Variants in RBFOX1 observed in about 807,000 individuals in gnomAD.
RBFOX1 encodes RNA binding protein fox-1 homolog 1.
Under a neutral mutation model 57.7 loss-of-function variants are expected in RBFOX1, and 8 were observed. The ratio of observed to expected loss-of-function variants is 0.14; its 90% CI spans 0.08 to 0.25. The LOEUF (loss-of-function observed/expected upper bound fraction) is 0.25, where lower values mean the gene tolerates loss of function less well. RBFOX1 is among the 10% of genes least tolerant of loss of function. The pLI is 1.00. For synonymous variants in RBFOX1, 326 were observed against 222.4 expected, an observed-to-expected ratio of 1.47 and a Z score of -4.15; for missense variants, 611 against 548.5, an observed-to-expected ratio of 1.11 and a Z score of -1.14.
chr16:7,653,666 C>G (rs2065608149), intron 11 of RBFOX1, 149 bp from the exon 12 acceptor site: 2 of 1,192,830 alleles, frequency 1.7e-6, no homozygotes, highest in South Asian at 3.0e-5. Context: ...GTGCTGCTCT[C>G]TGCTTTTTAA....
chr16:7,592,656 G>T (rs1326944283), intron 7 of RBFOX1, among the ~76,000 whole-genome samples: 1 of 152,160 alleles, frequency 6.6e-6, no homozygotes, highest in Non-Finnish European at 1.5e-5. Context: ...CATGGCTATG[G>T]TTGCTAGGAA....
chr16:6,231,256 G>C (rs2097457965), intron 1 of RBFOX1, among the ~76,000 whole-genome samples: 1 of 151,656 alleles, frequency 6.6e-6, no homozygotes, highest in Non-Finnish European at 1.5e-5. Context: ...GTGTGTGTGT[G>C]TGTTCCTTAT....
intron 2 of RBFOX1, among the ~76,000 whole-genome samples, chr16:5,478,724 C>T (rs1322364307): frequency 1.3e-5 from 2 of 152,166 alleles, no homozygotes; most frequent in African/African-American, 4.8e-5. Context: ...TAAACCCCAG[C>T]ACGAGGCACC....
intron 3 of RBFOX1, among the ~76,000 whole-genome samples, chr16:5,724,616 G>T (rs866288132): frequency 2.0e-5 from 3 of 152,088 alleles, no homozygotes; most frequent in Non-Finnish European, 2.9e-5. Context: ...AATGCATTCT[G>T]GAGTAAGAAT....
intron 4 of RBFOX1, among the ~76,000 whole-genome samples, chr16:7,242,350 C>T (rs993387286): frequency 6.6e-6 from 1 of 152,166 alleles, no homozygotes; most frequent in African/African-American, 2.4e-5. Context: ...AAGGTACCTT[C>T]TGATGCAGAC....
chr16:5,270,329 C>A lies in RBFOX1; in HGVS notation c.219+30224C>A, dbSNP rs182007474. 3.4e-5 allele frequency: 26 copies of A among 772,576 alleles called. No individual in the cohort carries two copies. In the African/African-American group the frequency reaches 3.8e-4, roughly 11 times the overall value. 47.9% of individuals were successfully genotyped at this position (772,576 alleles called of 1,614,324 possible). On this transcript the variant is annotated intron_variant, in intron 1 of 2. Coordinates refer to the RBFOX1 transcript ENST00000585867. ...TTGGAAAGACTTGGTCACCAGGACCCGAGGAACCCAAATTGCATCTGATGG... is the reference window on the plus strand; with the variant it reads ...TTGGAAAGACTTGGTCACCAGGACCAGAGGAACCCAAATTGCATCTGATGG...
intron 3 of RBFOX1, among the ~76,000 whole-genome samples, chr16:6,913,938 G>A (rs2072406564): frequency 6.6e-6 from 1 of 152,158 alleles, no homozygotes; most frequent in South Asian, 2.1e-4. Flanking sequence ...TGGGGTGAAG[G>A]ATATTATAAT....
In RBFOX1 at chr16:7,290,607, A is replaced by G. The variant is rs528126730; in HGVS notation, c.28-227540A>G. On this transcript the variant is annotated intron_variant, in intron 4 of 15. Transcript: ENST00000550418. ...AAGAGGACTAATATTTTCATTTTCAAATTTGCTCATTCACTCAACTAATAT... is the reference window on the plus strand; with the variant it reads ...AAGAGGACTAATATTTTCATTTTCAGATTTGCTCATTCACTCAACTAATAT... Among the ~76,000 whole-genome samples, 8 of 152,216 alleles carry G rather than the reference A, an allele frequency of 5.3e-5. No individual in the cohort carries two copies. The East Asian group carries it at 1.3e-3, about 26-fold the overall frequency.
intron 4 of RBFOX1, among the ~76,000 whole-genome samples, chr16:7,480,529 A>G (rs992107306): frequency 6.6e-6 from 1 of 152,344 alleles, no homozygotes; most frequent in Non-Finnish European, 1.5e-5. Flanking sequence ...AAAAAAATAC[A>G]TATATGGTAT....
intron 4 of RBFOX1, among the ~76,000 whole-genome samples, chr16:7,318,845 G>T (rs1196411802): frequency 1.3e-5 from 2 of 152,154 alleles, no homozygotes; most frequent in African/African-American, 4.8e-5. Flanking sequence ...AGTTCTGGCA[G>T]AGCGCAACAT....
At chr16:7,033,938 C>T (rs531376525) in intron 3 of RBFOX1, among the ~76,000 whole-genome samples, 2 of 152,312 alleles carry the variant, frequency 1.3e-5, no homozygotes, top group African/African-American at 2.4e-5. Context: ...TGCTGCATTT[C>T]AGGCTGGGTG....
intron 3 of RBFOX1, among the ~76,000 whole-genome samples, chr16:6,685,273 CTTTTTTTTT>C (rs202226687): frequency 9.0e-6 from 1 of 111,576 alleles, no homozygotes; most frequent in Non-Finnish European, 1.7e-5. Context: ...GAGAGTTTTT[CTTTTTTTTT>C]TTTTTTTTTT....
At chr16:5,314,528 TCTCA>T (rs1158897482) in intron 1 of RBFOX1, among the ~76,000 whole-genome samples, 1 of 152,216 alleles carries the variant, frequency 6.6e-6, no homozygotes, top group African/African-American at 2.4e-5. Context: ...TGAGACTGGA[TCTCA>T]CTCTGTTGCC....
intron 2 of RBFOX1, among the ~76,000 whole-genome samples, chr16:6,536,112 G>T (rs1048328453): frequency 5.3e-5 from 8 of 152,154 alleles, no homozygotes; most frequent in Non-Finnish European, 8.8e-5. Context: ...TGCTTAGTAA[G>T]TATTGATACC....
intron 3 of RBFOX1, among the ~76,000 whole-genome samples, chr16:5,840,576 G>C (rs1162316908): frequency 6.6e-6 from 1 of 152,190 alleles, no homozygotes; most frequent in Non-Finnish European, 1.5e-5. Flanking sequence ...TCTACAAGAA[G>C]AGGCTTAAAT....
At chr16:6,618,404 T>G (rs1317035565) in intron 2 of RBFOX1, among the ~76,000 whole-genome samples, 2 of 152,202 alleles carry the variant, frequency 1.3e-5, no homozygotes, top group Non-Finnish European at 2.9e-5. Flanking sequence ...TGTCATTATT[T>G]ATAGAAGAAG....
chr16:5,511,173 C>G (rs566822563), intron 2 of RBFOX1, among the ~76,000 whole-genome samples: 1 of 152,300 alleles, frequency 6.6e-6, no homozygotes, highest in East Asian at 1.9e-4. Context: ...GAGTTCTGTG[C>G]AAGAACAGAC....
chr16:7,442,778 G>A (rs112061200), intron 4 of RBFOX1, among the ~76,000 whole-genome samples: 28 of 152,274 alleles, frequency 1.8e-4, no homozygotes, highest in Admixed American at 5.2e-4. Flanking sequence ...GGCCTCAGAC[G>A]TCGATCGTCA....
intron 3 of RBFOX1, among the ~76,000 whole-genome samples, chr16:5,708,757 C>G (rs2051345196): frequency 6.6e-6 from 1 of 152,196 alleles, no homozygotes; most frequent in Non-Finnish European, 1.5e-5. Context: ...GATATTCAAA[C>G]TGAGCCTGGG....
Sources: gnomAD v4.1 joint callset for allele counts (sites outside exome capture counted in the v4.1 genomes callset) on GRCh38, gnomAD v4.1.1 for gene constraint, MANE v1.5 for transcripts, NCBI Gene and HGNC (gene_info 2026-07-23, HGNC 2026-07-21) for gene names.